NXPH1: variants seen among roughly 807,000 people sequenced by gnomAD.
NXPH1 encodes the protein neurexophilin-1.
In NXPH1, 5 loss-of-function variants were observed where a neutral mutation model predicts 23.7. The observed-to-expected ratio is 0.21, with a 90% confidence interval of 0.11 to 0.44. The LOEUF (loss-of-function observed/expected upper bound fraction) is 0.44, where lower values mean the gene tolerates loss of function less well. Among genes scored for constraint, NXPH1 ranks in the 20% least tolerant of loss-of-function variants. The pLI, the probability that NXPH1 is intolerant of heterozygous loss-of-function variation, is 0.99. For missense variants in NXPH1, 324 were observed against 321.6 expected, an observed-to-expected ratio of 1.01 and a Z score of -0.06; for synonymous variants, 144 against 122.2, an observed-to-expected ratio of 1.18 and a Z score of -1.18.
chr7:8,573,301 C>T (rs950947892), intron 2 of NXPH1, among the ~76,000 whole-genome samples: 1 of 152,182 alleles, frequency 6.6e-6, no homozygotes, highest in Non-Finnish European at 1.5e-5. Flanking sequence ...TTTTAAGCAA[C>T]TGTTTTACAT....
chr7:8,573,187 A>G (rs780065083), intron 2 of NXPH1, among the ~76,000 whole-genome samples: 5 of 152,048 alleles, frequency 3.3e-5, no homozygotes, highest in Non-Finnish European at 7.4e-5. Flanking sequence ...CCTTGTCATT[A>G]AAAACTCTCT....
chr7:8,644,862 TTTTACTATATATG>T (rs1820370534), intron 2 of NXPH1, among the ~76,000 whole-genome samples: 1 of 152,180 alleles, frequency 6.6e-6, no homozygotes, highest in African/African-American at 2.4e-5. Flanking sequence ...TTAGTAATAA[TTTTACTATATATG>T]TTTATCTCCC....
intron 2 of NXPH1, among the ~76,000 whole-genome samples, chr7:8,673,371 A>G (rs973477250): frequency 7.9e-5 from 12 of 152,294 alleles, no homozygotes; most frequent in African/African-American, 2.9e-4. Flanking sequence ...TTGAGGATGG[A>G]TACCTCTGGT....
intron 2 of NXPH1, among the ~76,000 whole-genome samples, chr7:8,457,312 C>G (rs1399305494): frequency 6.6e-6 from 1 of 152,158 alleles, no homozygotes; most frequent in South Asian, 2.1e-4. Context: ...ATCAGAGAGC[C>G]TCTTCCTAAA....
At chr7:8,543,694 C>T (rs970723801) in intron 2 of NXPH1, among the ~76,000 whole-genome samples, 2 of 151,556 alleles carry the variant, frequency 1.3e-5, no homozygotes, top group African/African-American at 4.8e-5. Context: ...TCTAATCCTT[C>T]TTTTATATTT....
chr7:8,535,971 C>G (rs750138544), intron 2 of NXPH1, among the ~76,000 whole-genome samples: 8 of 151,892 alleles, frequency 5.3e-5, no homozygotes, highest in Non-Finnish European at 1.2e-4. Context: ...TGTGGTAACT[C>G]CTGTTTATTT....
At chr7:8,588,741 A>G (rs942967823) in intron 2 of NXPH1, among the ~76,000 whole-genome samples, 1 of 152,120 alleles carries the variant, frequency 6.6e-6, no homozygotes, top group Non-Finnish European at 1.5e-5. Flanking sequence ...GTGTTCTAAG[A>G]TGAGGGAGCT....
intron 2 of NXPH1, among the ~76,000 whole-genome samples, chr7:8,617,678 A>G (rs1583196261): frequency 6.6e-6 from 1 of 152,194 alleles, no homozygotes; most frequent in South Asian, 2.1e-4. Context: ...AGATTGGGGG[A>G]ACATAGCAGA....
At chr7:8,455,396 C>T (rs894243680) in intron 2 of NXPH1, among the ~76,000 whole-genome samples, 1 of 152,128 alleles carries the variant, frequency 6.6e-6, no homozygotes, top group Non-Finnish European at 1.5e-5. Context: ...TGCATAATCT[C>T]TGGCCCTATT....
At chr7:8,614,946 A>G (rs1367465922) in intron 2 of NXPH1, among the ~76,000 whole-genome samples, 1 of 152,052 alleles carries the variant, frequency 6.6e-6, no homozygotes, top group Non-Finnish European at 1.5e-5. Flanking sequence ...GGTCTTTTAA[A>G]TGGTGTTTGA....
intron 2 of NXPH1, among the ~76,000 whole-genome samples, chr7:8,682,355 T>G (rs888481050): frequency 1.3e-4 from 20 of 152,212 alleles, no homozygotes; most frequent in Non-Finnish European, 1.3e-4. Context: ...AGTATGTGTT[T>G]TAAAAGCACA....
rs561520078 is a variant in NXPH1, at chr7:8,568,620, T to C, written c.54+132853T>C. 4.1e-5 allele frequency among the ~76,000 whole-genome samples: 6 copies of C among 145,070 alleles called. No individual in the cohort carries two copies. In the Admixed American group the frequency reaches 4.2e-4, roughly 10 times the overall value. On this transcript the variant is annotated intron_variant, in intron 2 of 2. Coordinates refer to ENST00000405863, the MANE Select transcript of NXPH1 (RefSeq NM_152745.3). The stretch of plus-strand genomic sequence containing the variant: ...ATGTCATCAAATATCCCTTACATAA[T>C]GCATAAAAGAAAGTTTTCATTCTTA...
chr7:8,602,932 T>G (rs920623686), intron 2 of NXPH1, among the ~76,000 whole-genome samples: 1 of 152,104 alleles, frequency 6.6e-6, no homozygotes, highest in African/African-American at 2.4e-5. Flanking sequence ...TGCCTTAGCC[T>G]CCCGAGTAGC....
At chr7:8,564,011 C>G (rs1276544474) in intron 2 of NXPH1, among the ~76,000 whole-genome samples, 2 of 151,816 alleles carry the variant, frequency 1.3e-5, no homozygotes, top group Non-Finnish European at 2.9e-5. Context: ...ATGCAAAGAA[C>G]AGGCAAAATG....
chr7:8,715,418 GC>G (rs1779861825), intron 2 of NXPH1, among the ~76,000 whole-genome samples: 1 of 152,102 alleles, frequency 6.6e-6, no homozygotes, highest in African/African-American at 2.4e-5. Flanking sequence ...TTCTGAAGGT[GC>G]TTTTATTGTG....
chr7:8,700,874 A>G (rs7801516), intron 2 of NXPH1, among the ~76,000 whole-genome samples: 4,667 of 152,130 alleles, frequency 0.031, 221 homozygotes, highest in African/African-American at 0.11. Context: ...TTGTTTTTGC[A>G]TGGCCTTGTA....
At chr7:8,623,135 G>A (rs1167273502) in intron 2 of NXPH1, among the ~76,000 whole-genome samples, 5 of 152,106 alleles carry the variant, frequency 3.3e-5, no homozygotes, top group African/African-American at 9.7e-5. Context: ...GCTTGAGGAA[G>A]TCTTAAAGAA....
intron 2 of NXPH1, among the ~76,000 whole-genome samples, chr7:8,509,474 T>C (rs764271102): frequency 5.3e-5 from 8 of 152,100 alleles, no homozygotes; most frequent in Non-Finnish European, 5.9e-5. Flanking sequence ...TTCTTTTTTC[T>C]CTCTCTGGAG....
At chr7:8,564,144 C>T (rs2128621093) in intron 2 of NXPH1, among the ~76,000 whole-genome samples, 1 of 151,918 alleles carries the variant, frequency 6.6e-6, no homozygotes, top group Middle Eastern at 3.4e-3. Flanking sequence ...ACTCCTTGGG[C>T]AGAAACATCA....
Sources: allele counts gnomAD v4.1 joint callset (sites outside exome capture counted in the v4.1 genomes callset), GRCh38; gene constraint gnomAD v4.1.1; transcripts MANE v1.5; gene names NCBI Gene and HGNC (gene_info 2026-07-23, HGNC 2026-07-21).